DPP6: variants seen among roughly 807,000 people sequenced by gnomAD.
DPP6 encodes the protein A-type potassium channel modulatory protein DPP6.
DPP6 carries 69 observed loss-of-function variants against 122.6 expected under a neutral mutation model. The observed-to-expected ratio is 0.56, with a 90% CI of 0.46 to 0.69. The LOEUF is 0.69. Among genes scored for constraint, DPP6 ranks in the 30% least tolerant of loss-of-function variants. DPP6 has a pLI of 0.00. For synonymous variants in DPP6, 418 were observed against 433.1 expected (o/e 0.97, Z 0.43); for missense variants, 928 against 1,116.9 (o/e 0.83, Z 2.41).
chr7:154,568,298 C>A (rs1720589245), intron 5 of DPP6, among the ~76,000 whole-genome samples: 1 of 152,244 alleles, frequency 6.6e-6, no homozygotes, highest in African/African-American at 2.4e-5. Flanking sequence ...GAAAGCCTTA[C>A]ATGGATGTGT....
intron 1 of DPP6, among the ~76,000 whole-genome samples, chr7:154,341,626 T>C (rs1029975389): frequency 1.3e-5 from 2 of 151,642 alleles, no homozygotes; most frequent in African/African-American, 4.8e-5. Flanking sequence ...GATTATATAA[T>C]AATAATATGT....
At chr7:154,654,217 G>C (rs1272964629) in intron 6 of DPP6, among the ~76,000 whole-genome samples, 1 of 151,914 alleles carries the variant, frequency 6.6e-6, no homozygotes, top group Non-Finnish European at 1.5e-5. Context: ...CTGCAGGGGT[G>C]TCCCGGAACC....
intron 1 of DPP6, among the ~76,000 whole-genome samples, chr7:154,269,721 G>A (rs1236074198): frequency 6.6e-6 from 1 of 152,062 alleles, no homozygotes; most frequent in East Asian, 1.9e-4. Flanking sequence ...TTATAGATCT[G>A]TACTATTGCT....
chr7:154,239,251 C>A (rs1563354147), intron 1 of DPP6, among the ~76,000 whole-genome samples: 1 of 152,224 alleles, frequency 6.6e-6, no homozygotes, highest in Admixed American at 6.5e-5. Context: ...AATGGCAAAA[C>A]AACTCCAAAA....
chr7:154,803,731 G>C (rs1798519636), intron 13 of DPP6, 133 bp from the exon 14 acceptor site: 1 of 1,355,874 alleles, frequency 7.4e-7, no homozygotes, highest in African/African-American at 1.5e-5. Context: ...GCAGGCAGAA[G>C]GGGCAGAGAG....
At chr7:154,435,608 T>C (rs1374819870) in intron 1 of DPP6, among the ~76,000 whole-genome samples, 1 of 152,224 alleles carries the variant, frequency 6.6e-6, no homozygotes, top group Non-Finnish European at 1.5e-5. Flanking sequence ...CCTGGATGAT[T>C]ATTGACGGAC....
At chr7:154,326,514 C>G (rs1352527952) in intron 1 of DPP6, among the ~76,000 whole-genome samples, 1 of 152,188 alleles carries the variant, frequency 6.6e-6, no homozygotes, top group African/African-American at 2.4e-5. Flanking sequence ...TACCTGCCAC[C>G]AGTGGACTAA....
chr7:154,526,487 C>T (rs1827416149), intron 3 of DPP6, among the ~76,000 whole-genome samples: 1 of 151,978 alleles, frequency 6.6e-6, no homozygotes, highest in African/African-American at 2.4e-5. Flanking sequence ...ACAGTACCCA[C>T]CAGCTATATG....
At chr7:153,857,322 T>TTCTCTCTCTCTCTCTCTCTCTCTC in the DPP6 span, among the ~76,000 whole-genome samples, 771 of 124,400 alleles carry the variant, frequency 6.2e-3, 26 homozygotes, top group Non-Finnish European at 9.7e-3. Context: ...CTCAAAGGTT[T>TTCTCTCTCTCTCTCTCTCTCTCTC]TCTCTCTCTC....
the DPP6 span, among the ~76,000 whole-genome samples, chr7:153,855,530 T>A: frequency 1.3e-5 from 2 of 152,222 alleles, no homozygotes; most frequent in African/African-American, 4.8e-5. Flanking sequence ...ACTTCATGCA[T>A]TAATTTTGGA....
intron 1 of DPP6, among the ~76,000 whole-genome samples, chr7:153,888,705 C>CTTTTTT (rs142238331): frequency 1.3e-5 from 1 of 77,000 alleles, no homozygotes; most frequent in African/African-American, 5.5e-5. Context: ...CTGGCTGGCA[C>CTTTTTT]TTTTTTTTTT....
Position 154,587,669 on chromosome 7 carries a change from G to A in DPP6, c.627+20753G>A, listed in dbSNP as rs184932288. 4.7e-5 allele frequency: 73 copies of A among 1,548,886 alleles called. No homozygotes were observed. In the African/African-American group the frequency reaches 8.7e-4, roughly 19 times the overall value. On this transcript the variant is annotated intron_variant, in intron 5 of 25. Transcript: ENST00000377770. ...TTACAGATGAAGAAAGTGAAGTCCA[G>A]GAAGTTGACATTGCCTCATTCAAAA... is the stretch of plus-strand genomic sequence containing the variant.
the DPP6 span, among the ~76,000 whole-genome samples, chr7:153,844,952 C>T: frequency 6.6e-6 from 1 of 152,092 alleles, no homozygotes. Context: ...AAATATTTGG[C>T]CATCCAGGCA....
chr7:153,812,487 A>G, the DPP6 span, among the ~76,000 whole-genome samples: 1 of 152,096 alleles, frequency 6.6e-6, no homozygotes, highest in African/African-American at 2.4e-5. Flanking sequence ...TGGCTAAATT[A>G]CAAACTCAGA....
intron 1 of DPP6, among the ~76,000 whole-genome samples, chr7:153,996,795 AAGAT>A (rs1797459474): frequency 1.3e-5 from 2 of 152,336 alleles, no homozygotes; most frequent in South Asian, 4.1e-4. Context: ...AACAATTAAT[AAGAT>A]AGATATTCAG....
chr7:154,437,799 G>A (rs528454336), intron 1 of DPP6, among the ~76,000 whole-genome samples: 1 of 152,214 alleles, frequency 6.6e-6, no homozygotes, highest in African/African-American at 2.4e-5. Flanking sequence ...AGCTGGACAC[G>A]GTGGTGGACG....
chr7:154,461,083 A>G (rs1429455572), intron 2 of DPP6, among the ~76,000 whole-genome samples: 1 of 151,992 alleles, frequency 6.6e-6, no homozygotes, highest in Non-Finnish European at 1.5e-5. Context: ...GCTCCCACAA[A>G]TAAATGAGAA....
chr7:154,331,060 T>G (rs915981289), intron 1 of DPP6, among the ~76,000 whole-genome samples: 5 of 152,174 alleles, frequency 3.3e-5, no homozygotes, highest in Non-Finnish European at 5.9e-5. Flanking sequence ...CTGGTGGCAG[T>G]CATCTCCCCT....
chr7:154,756,167 C>T (rs1353292125), intron 8 of DPP6, among the ~76,000 whole-genome samples: 1 of 152,172 alleles, frequency 6.6e-6, no homozygotes, highest in Non-Finnish European at 1.5e-5. Flanking sequence ...GAAGAGGTTT[C>T]CCATGATAGT....
Sources: gnomAD v4.1 joint callset for allele counts (sites outside exome capture counted in the v4.1 genomes callset) on GRCh38, gnomAD v4.1.1 for gene constraint, MANE v1.5 for transcripts, NCBI Gene and HGNC (gene_info 2026-07-23, HGNC 2026-07-21) for gene names.